The following HSDL2 variants were observed in gnomAD, a reference collection of about 807,000 sequenced individuals.
HSDL2 encodes the protein hydroxysteroid dehydrogenase-like protein 2.
Under a neutral mutation model 46.3 loss-of-function variants are expected in HSDL2, and 27 were observed. The ratio of observed to expected loss-of-function variants is 0.58; its 90% CI spans 0.43 to 0.80. HSDL2 has a LOEUF of 0.80. HSDL2 is among the 30% of genes least tolerant of loss of function. The probability of loss-of-function intolerance (pLI) is 0.00; values close to 1 mark genes in which losing one functional copy is unlikely to be tolerated. For missense variants in HSDL2, 451 were observed against 502.7 expected (o/e 0.90, Z 0.98); for synonymous variants, 153 against 163.6 (o/e 0.94, Z 0.50).
At position 112,454,374 on chromosome 9, in the gene HSDL2, C is replaced by G. The variant is rs188359711; in HGVS notation, c.1015+212C>G. On this transcript the variant is annotated intron_variant, in intron 9 of 10. Coordinates refer to ENST00000398805, the MANE Select transcript of HSDL2 (RefSeq NM_032303.5). ...TGAGATGGAGTCTTTGTCACCCAGG[C>G]TGGAGAGCAATGGCATGATCATGGC... Among the ~76,000 whole-genome samples, 247 of 152,274 alleles carry G rather than the reference C, an allele frequency of 1.6e-3. 1 individual carries two copies. Among genetic ancestry groups the G allele is most frequent in the African/African-American group, 5.8e-3 (242 of 41,558 alleles).
In HSDL2 at chr9:112,447,788, A is replaced by G. The variant is rs571852527; in HGVS notation, c.865+6018A>G. Among the ~76,000 whole-genome samples the G allele has an allele frequency of 1.6e-4, 23 of 140,150 alleles. No individual in the cohort carries two copies. In the South Asian group the frequency reaches 5.6e-3, roughly 34 times the overall value. The allele number at this position is 140,150 out of a possible 152,430, so 91.9% of individuals were successfully genotyped here. On this transcript the variant is annotated intron_variant, in intron 8 of 10. Transcript: ENST00000398805. ...CAGGCTCTGGAGTCAGACTGCCTGG[A>G]TTTAATCTTGAATTGCATTTGTTTT...
At chr9:112,429,848 T>C (rs747228541) in intron 6 of HSDL2, among the ~76,000 whole-genome samples, 1 of 151,982 alleles carries the variant, frequency 6.6e-6, no homozygotes, top group Non-Finnish European at 1.5e-5. Context: ...TCCCAACACT[T>C]TGGGAGGTCA....
At chr9:112,436,157 G>A (rs1212883755) in intron 6 of HSDL2, among the ~76,000 whole-genome samples, 3 of 144,574 alleles carry the variant, frequency 2.1e-5, no homozygotes, top group African/African-American at 5.1e-5. Context: ...TAGGAGGATC[G>A]TTTGAGAGCC....
Position 112,404,001 on chromosome 9 carries a change from G to C in HSDL2, c.24G>C (p.Leu8=). Residue 8 remains leucine, a synonymous_variant, in exon 2 of 11, where the codon CTG becomes CTC. Transcript: ENST00000398805. Reference sequence around the variant, plus strand: ...CGTATTTGTTCTGTTGTAGGAGGCTGGCAGGATGTACAGTTTTTATCACAG... The same window carrying C: ...CGTATTTGTTCTGTTGTAGGAGGCTCGCAGGATGTACAGTTTTTATCACAG... MLPNTGR[L]AGCTVFITGA... is the part of the protein sequence containing the mutation. 6.2e-7 allele frequency: 1 copy of C among 1,613,970 alleles called. No individual in the cohort carries two copies. Among genetic ancestry groups the C allele is most frequent in the Non-Finnish European group, 8.5e-7 (1 of 1,179,882 alleles).
At chr9:112,388,881 A>G (rs1285066250) in intron 1 of HSDL2, among the ~76,000 whole-genome samples, 1 of 151,942 alleles carries the variant, frequency 6.6e-6, no homozygotes, top group Admixed American at 6.6e-5. Context: ...GACTAAAGAG[A>G]TATGTCAATT....
intron 6 of HSDL2, among the ~76,000 whole-genome samples, chr9:112,431,584 T>C (rs1832403424): frequency 6.6e-6 from 1 of 152,214 alleles, no homozygotes; most frequent in East Asian, 1.9e-4. Context: ...GATTGGATCA[T>C]GGGGGCAGCT....
At chr9:112,383,405 T>C (rs1394409516) in intron 1 of HSDL2, among the ~76,000 whole-genome samples, 1 of 152,108 alleles carries the variant, frequency 6.6e-6, no homozygotes, top group Non-Finnish European at 1.5e-5. Flanking sequence ...CTTCTGATAT[T>C]TTTATGGTCT....
At chr9:112,465,077 T>G (rs948160055) in intron 10 of HSDL2, among the ~76,000 whole-genome samples, 2 of 152,210 alleles carry the variant, frequency 1.3e-5, no homozygotes, top group African/African-American at 2.4e-5. Context: ...TGTATTAGTA[T>G]TTCATAACCT....
chr9:112,381,642 C>T (rs897030078), intron 1 of HSDL2, among the ~76,000 whole-genome samples: 4 of 152,202 alleles, frequency 2.6e-5, no homozygotes, highest in African/African-American at 9.6e-5. Context: ...GCGTAAGCCA[C>T]TGCGCCTGGC....
Position 112,438,486 on chromosome 9 carries a change from T to C in HSDL2, c.654T>C (p.Cys218=), listed in dbSNP as rs1832575553. The C allele has an allele frequency of 5.6e-6, 9 of 1,611,436 alleles. No individual in the cohort carries two copies. The highest frequency in any genetic ancestry group is 5.9e-6 in the Non-Finnish European group (7 of 1,179,084). ...MLGGPGIESQ[C]RKVDIIADAA... ...GAGGACCTGGTATCGAAAGCCAGTG[T>C]AGAAAAGTTGATATCATTGCAGATG... is the stretch of plus-strand genomic sequence containing the variant. Residue 218 remains cysteine, a synonymous_variant, in exon 7 of 11, where the codon TGT becomes TGC. Transcript: ENST00000398805.
At chr9:112,464,213 GACACACACACAGACAC>G (rs71382434) in intron 10 of HSDL2, among the ~76,000 whole-genome samples, 7,388 of 146,630 alleles carry the variant, frequency 0.05, 224 homozygotes, top group Middle Eastern at 0.069. Context: ...CACACACACA[GACACACACACAGACAC>G]ACACACACAC....
At chr9:112,384,434 G>C (rs1324855746) in intron 1 of HSDL2, among the ~76,000 whole-genome samples, 1 of 152,122 alleles carries the variant, frequency 6.6e-6, no homozygotes, top group Non-Finnish European at 1.5e-5. Context: ...GGAAGAAAAT[G>C]CCCTTTCTCC....
intron 1 of HSDL2, among the ~76,000 whole-genome samples, chr9:112,402,548 C>CT (rs1831627108): frequency 1.0e-5 from 1 of 98,066 alleles, no homozygotes; most frequent in South Asian, 3.5e-4. Context: ...ACAGAGCTGT[C>CT]TTAAAAAAAA....
chr9:112,416,964 G>A lies in HSDL2; in HGVS notation c.499+20G>A, dbSNP rs770247174. ...ACTGTGGTAGGTGGTAGGTGGTAGG[G>A]TGAGGGGATGGTTTGTGCTTAATTT... On this transcript the variant is annotated intron_variant, in intron 5 of 10. Coordinates refer to ENST00000398805, the MANE Select transcript of HSDL2 (RefSeq NM_032303.5). 10 of 1,152,424 alleles carry A rather than the reference G, an allele frequency of 8.7e-6. No homozygotes were observed. The highest frequency in any genetic ancestry group is 1.2e-5 in the Non-Finnish European group (9 of 769,288). 71.4% of individuals were successfully genotyped at this position (1,152,424 alleles called of 1,614,324 possible). A position where few individuals can be genotyped will look rare whatever the true frequency, so the allele number is the denominator to read the frequency against.
Position 112,454,030 on chromosome 9 carries a change from AAAG to A in HSDL2, c.888_890del (p.Glu297del). 1 of 1,613,850 alleles carries A rather than the reference AAAG, an allele frequency of 6.2e-7. No individual in the cohort carries two copies. Among genetic ancestry groups the A allele is most frequent in the Non-Finnish European group, 8.5e-7 (1 of 1,179,884 alleles). ...TCTTATAGGTGCTGTTCCAGAATTC[AAAG>A]AAGAGAAACTGCAGCTGCAACCAAA... On this transcript the variant is annotated inframe_deletion, in exon 9 of 11. Transcript: ENST00000398805.
At position 112,389,026 on chromosome 9, in the gene HSDL2, CT is replaced by C. The variant is rs111670667; in HGVS notation, c.17+8859del. Among the ~76,000 whole-genome samples, 1,446 of 145,926 alleles carry C rather than the reference CT, an allele frequency of 9.9e-3. 30 individuals carry two copies. The highest frequency in any genetic ancestry group is 0.032 in the African/African-American group (1,278 of 40,094). ...ACCAAGCTTTGATGTATTCAGATCA[CT>C]TTTTTTTTTTTTCTTTTTGAGACAG... On this transcript the variant is annotated intron_variant, in intron 1 of 10. Transcript: ENST00000398805.
At chr9:112,403,882 G>C in intron 1 of HSDL2, 113 bp from the exon 2 acceptor site, 1 of 1,157,062 alleles carries the variant, frequency 8.6e-7, no homozygotes, top group South Asian at 1.5e-5. Flanking sequence ...AGGGTTTAGA[G>C]AAAATTTCAC....
chr9:112,380,141 A>C lies in HSDL2; in HGVS notation c.-23A>C, dbSNP rs1413848450. 1 of 1,562,036 alleles carries C rather than the reference A, an allele frequency of 6.4e-7. No individual in the cohort carries two copies. The highest frequency in any genetic ancestry group is 8.7e-7 in the Non-Finnish European group (1 of 1,152,462). ...GCTCGCCGCCGCCGCTGTCGCCGCC[A>C]CCTCCTCTGATCTACGAAAGTCATG... is the stretch of plus-strand genomic sequence containing the variant. On this transcript the variant is annotated 5_prime_UTR_variant, in exon 1 of 11. Coordinates refer to ENST00000398805, the MANE Select transcript of HSDL2 (RefSeq NM_032303.5).
At chr9:112,433,921 T>G (rs1005830125) in intron 6 of HSDL2, 1 of 152,424 alleles carries the variant, frequency 6.6e-6, no homozygotes, top group Non-Finnish European at 1.5e-5. Flanking sequence ...CTCAGCTGCA[T>G]GTTCTTCTCA....
Sources: gnomAD v4.1 joint callset for allele counts (sites outside exome capture counted in the v4.1 genomes callset) on GRCh38, gnomAD v4.1.1 for gene constraint, MANE v1.5 for transcripts, NCBI Gene and HGNC (gene_info 2026-07-23, HGNC 2026-07-21) for gene names.